PSD3: variants seen among roughly 807,000 people sequenced by gnomAD.
PSD3 encodes the protein PH and SEC7 domain-containing protein 3.
A neutral mutation model predicts 105.5 loss-of-function variants in PSD3; 49 were observed. That is an observed-to-expected ratio of 0.46 (90% CI 0.37 to 0.59). PSD3 has a LOEUF of 0.59. PSD3 is among the 20% of genes least tolerant of loss of function. The pLI is 0.00. For synonymous variants in PSD3, 557 were observed against 457.8 expected (o/e 1.22, Z -2.77); for missense variants, 1,561 against 1,263.8 (o/e 1.24, Z -3.57).
intron 1 of PSD3, among the ~76,000 whole-genome samples, chr8:19,057,435 T>C (rs1407409159): frequency 6.6e-6 from 1 of 152,230 alleles, no homozygotes; most frequent in African/African-American, 2.4e-5. Flanking sequence ...CGAAAACCTC[T>C]GCCCACCACT....
intron 1 of PSD3, among the ~76,000 whole-genome samples, chr8:18,997,496 T>C (rs1355174831): frequency 6.6e-6 from 1 of 151,986 alleles, no homozygotes; most frequent in Non-Finnish European, 1.5e-5. Flanking sequence ...CGCTTCAGTC[T>C]ATTCTCATGA....
intron 8 of PSD3, among the ~76,000 whole-genome samples, chr8:18,789,080 T>C (rs1280221551): frequency 6.6e-6 from 1 of 152,050 alleles, no homozygotes; most frequent in Non-Finnish European, 1.5e-5. Context: ...CTCCCACCTG[T>C]CCTATAATAT....
intron 1 of PSD3, among the ~76,000 whole-genome samples, chr8:18,996,318 C>T (rs1346093448): frequency 6.6e-6 from 1 of 151,874 alleles, no homozygotes; most frequent in African/African-American, 2.4e-5. Context: ...AACATGTGGA[C>T]AGAGTGTACC....
chr8:18,959,597 C>T (rs1823788695), intron 1 of PSD3, among the ~76,000 whole-genome samples: 1 of 152,064 alleles, frequency 6.6e-6, no homozygotes, highest in South Asian at 2.1e-4. Context: ...TATGACTCCA[C>T]CCACCTTGCC....
At chr8:18,879,103 C>T (rs962637078) in intron 2 of PSD3, among the ~76,000 whole-genome samples, 2 of 150,644 alleles carry the variant, frequency 1.3e-5, no homozygotes, top group South Asian at 2.1e-4. Flanking sequence ...CACAACTGAA[C>T]ACTGGCCCCA....
rs576056311 is a variant in PSD3 at position 18,802,011 on chromosome 8, C to T, written c.1911-629G>A. The stretch of plus-strand genomic sequence containing the variant: ...AAGACTCAATACATCATCATAAAGG[C>T]TATGTTTTAAAACTCTACACGCATC... On this transcript the variant is annotated intron_variant, in intron 6 of 15. Transcript: ENST00000327040. Among the ~76,000 whole-genome samples, 512 of 152,078 alleles carry T rather than the reference C, an allele frequency of 3.4e-3. 4 individuals are homozygous for T. Among genetic ancestry groups the T allele is most frequent in the Non-Finnish European group, 3.1e-3 (211 of 67,986 alleles).
chr8:18,580,213 C>A (rs1802722295), intron 12 of PSD3, among the ~76,000 whole-genome samples: 1 of 152,112 alleles, frequency 6.6e-6, no homozygotes. Context: ...ACGCCATGAG[C>A]TCACAAGAAA....
At chr8:18,563,148 G>A (rs1247407371) in intron 14 of PSD3, among the ~76,000 whole-genome samples, 1 of 152,076 alleles carries the variant, frequency 6.6e-6, no homozygotes, top group East Asian at 1.9e-4. Context: ...CCAGTATCCA[G>A]TAAAGTGTTG....
At chr8:18,564,395 G>A (rs866979667) in intron 14 of PSD3, among the ~76,000 whole-genome samples, 3 of 152,086 alleles carry the variant, frequency 2.0e-5, no homozygotes, top group African/African-American at 2.4e-5. Flanking sequence ...TTGGGAGGCC[G>A]ATGCGGGCGG....
At chr8:18,738,342 T>C (rs1271741512) in intron 9 of PSD3, among the ~76,000 whole-genome samples, 1 of 151,992 alleles carries the variant, frequency 6.6e-6, no homozygotes, top group Non-Finnish European at 1.5e-5. Flanking sequence ...TGAAACTCCT[T>C]TTCTCATTTA....
At chr8:18,685,879 T>A (rs937602965) in intron 9 of PSD3, among the ~76,000 whole-genome samples, 2 of 152,122 alleles carry the variant, frequency 1.3e-5, no homozygotes, top group Admixed American at 1.3e-4. Context: ...GTAAAAGACA[T>A]GAGCGCCTGC....
intron 1 of PSD3, among the ~76,000 whole-genome samples, chr8:19,072,844 G>A (rs1271883833): frequency 6.6e-6 from 1 of 152,200 alleles, no homozygotes; most frequent in Non-Finnish European, 1.5e-5. Flanking sequence ...ATCTGGCTCT[G>A]AAGTCTGTAC....
At chr8:18,678,875 G>C (rs1252501142) in intron 9 of PSD3, among the ~76,000 whole-genome samples, 2 of 152,036 alleles carry the variant, frequency 1.3e-5, no homozygotes, top group Non-Finnish European at 2.9e-5. Flanking sequence ...TTGTGGTTTG[G>C]TACAACCCTA....
intron 2 of PSD3, among the ~76,000 whole-genome samples, chr8:18,901,898 T>C (rs2129460908): frequency 6.6e-6 from 1 of 152,328 alleles, no homozygotes; most frequent in East Asian, 1.9e-4. Context: ...AATGTGCTAT[T>C]AGTCTAATGG....
At chr8:18,985,403 A>G (rs1825452212) in intron 1 of PSD3, among the ~76,000 whole-genome samples, 1 of 152,188 alleles carries the variant, frequency 6.6e-6, no homozygotes, top group African/African-American at 2.4e-5. Context: ...CCTAATACTT[A>G]AGAATACAAT....
chr8:18,748,390 A>T (rs1022887635), intron 9 of PSD3, among the ~76,000 whole-genome samples: 1 of 152,130 alleles, frequency 6.6e-6, no homozygotes, highest in African/African-American at 2.4e-5. Context: ...GCTGGGCGCG[A>T]TGGCTCACAC....
At chr8:18,776,508 C>T (rs533776694) in intron 8 of PSD3, among the ~76,000 whole-genome samples, 7 of 151,858 alleles carry the variant, frequency 4.6e-5, no homozygotes, top group East Asian at 1.9e-4. Flanking sequence ...CTCAGCTTCC[C>T]GAGTTGCTGG....
chr8:18,821,629 C>A (rs1812713296), intron 4 of PSD3, among the ~76,000 whole-genome samples: 2 of 150,812 alleles, frequency 1.3e-5, no homozygotes, highest in South Asian at 4.2e-4. Context: ...TCAAACACTG[C>A]TGCAGATAAT....
At chr8:18,687,607 G>A (rs1383923390) in intron 9 of PSD3, among the ~76,000 whole-genome samples, 1 of 151,600 alleles carries the variant, frequency 6.6e-6, no homozygotes, top group Non-Finnish European at 1.5e-5. Flanking sequence ...CAGTCCCTCT[G>A]CCCGAAACAA....
Sources: gnomAD v4.1 joint callset for allele counts (sites outside exome capture counted in the v4.1 genomes callset) on GRCh38, gnomAD v4.1.1 for gene constraint, MANE v1.5 for transcripts, NCBI Gene and HGNC (gene_info 2026-07-23, HGNC 2026-07-21) for gene names.